The following CCDC141 variants were observed in gnomAD, a reference collection of about 807,000 sequenced individuals.
CCDC141 encodes coiled-coil domain-containing protein 141.
A neutral mutation model predicts 181.0 loss-of-function variants in CCDC141; 168 were observed. That is an observed-to-expected ratio of 0.93 (90% CI 0.82 to 1.05). CCDC141 has a LOEUF of 1.05. Among genes scored for constraint, CCDC141 ranks in the 50% least tolerant of loss-of-function variants. The pLI is 0.00. For synonymous variants in CCDC141, 666 were observed against 642.3 expected (o/e 1.04, Z -0.56); for missense variants, 1,902 against 1,788.5 (o/e 1.06, Z -1.14).
rs535110929 is a variant in CCDC141 at position 178,982,804 on chromosome 2, C to T, written c.226-4129G>A. On this transcript the variant is annotated intron_variant, in intron 2 of 23. Coordinates refer to ENST00000443758, the MANE Select transcript of CCDC141 (RefSeq NM_173648.4). ...ACGAGATTATATCCCGCACCTGGCTCGGAGGGTCCTACCCCACAGAGTCTC... is the reference window on the plus strand; with the variant it reads ...ACGAGATTATATCCCGCACCTGGCTTGGAGGGTCCTACCCCACAGAGTCTC... Among the ~76,000 whole-genome samples the T allele has an allele frequency of 7.4e-4, 112 of 152,326 alleles. 1 individual carries two copies. The South Asian group carries it at 0.021, about 29-fold the overall frequency.
At chr2:178,980,214 C>A (rs530687207) in intron 2 of CCDC141, among the ~76,000 whole-genome samples, 9 of 152,166 alleles carry the variant, frequency 5.9e-5, no homozygotes, top group African/African-American at 2.2e-4. Context: ...CGCTGGGAGA[C>A]CGAGGCGGGC....
At chr2:179,040,891 T>G (rs1331206602) in intron 2 of CCDC141, among the ~76,000 whole-genome samples, 1 of 152,204 alleles carries the variant, frequency 6.6e-6, no homozygotes. Flanking sequence ...TTCCTTTGGG[T>G]ATATACCTAG....
At chr2:178,960,309 A>G (rs774255983) in intron 5 of CCDC141, among the ~76,000 whole-genome samples, 8 of 152,230 alleles carry the variant, frequency 5.3e-5, no homozygotes, top group South Asian at 2.1e-4. Context: ...GTTGATCATC[A>G]TGGATAAGCT....
the CCDC141 span, among the ~76,000 whole-genome samples, chr2:178,822,279 G>A: frequency 1.3e-5 from 2 of 151,666 alleles, no homozygotes; most frequent in South Asian, 2.1e-4. Context: ...AGTGGGGAGG[G>A]ATAGCATTAG....
At chr2:178,970,666 C>G (rs1653161864) in intron 4 of CCDC141, among the ~76,000 whole-genome samples, 1 of 152,140 alleles carries the variant, frequency 6.6e-6, no homozygotes, top group African/African-American at 2.4e-5. Flanking sequence ...CCATAAAAAT[C>G]CTAGAAGAAA....
chr2:179,044,739 A>G (rs1406407458), intron 2 of CCDC141, among the ~76,000 whole-genome samples: 2 of 152,198 alleles, frequency 1.3e-5, no homozygotes, highest in Non-Finnish European at 2.9e-5. Context: ...AGCTGGGGTC[A>G]CAGGAGATCA....
At chr2:178,991,211 C>A (rs1198102865) in intron 2 of CCDC141, among the ~76,000 whole-genome samples, 1 of 152,138 alleles carries the variant, frequency 6.6e-6, no homozygotes, top group African/African-American at 2.4e-5. Context: ...TTTATAAAAC[C>A]TCTAACTTTC....
intron 6 of CCDC141, among the ~76,000 whole-genome samples, chr2:178,923,857 C>G (rs1296163876): frequency 6.6e-6 from 1 of 152,100 alleles, no homozygotes; most frequent in African/African-American, 2.4e-5. Context: ...TGAAAGGGTA[C>G]TTTTAAGAGG....
chr2:178,996,302 T>A (rs1260368261), intron 2 of CCDC141, among the ~76,000 whole-genome samples: 1 of 152,098 alleles, frequency 6.6e-6, no homozygotes, highest in Non-Finnish European at 1.5e-5. Context: ...GGTCTCAAAC[T>A]TCTGACCTCA....
intron 2 of CCDC141, among the ~76,000 whole-genome samples, chr2:178,989,133 C>T (rs187433438): frequency 1.5e-3 from 233 of 152,160 alleles, no homozygotes; most frequent in African/African-American, 5.3e-3. Context: ...TAAGCAACAA[C>T]AACAACAAAC....
intron 21 of CCDC141, 111 bp from the exon 22 acceptor site, chr2:178,845,853 T>C (rs1684917692): frequency 8.2e-6 from 6 of 729,694 alleles, no homozygotes; most frequent in South Asian, 7.6e-5. Flanking sequence ...TCAGCAAATA[T>C]ATTCCACAAG....
intron 6 of CCDC141, among the ~76,000 whole-genome samples, chr2:178,932,907 T>C (rs916826029): frequency 6.6e-6 from 1 of 152,168 alleles, no homozygotes; most frequent in Non-Finnish European, 1.5e-5. Context: ...CCTTATCCTA[T>C]ATTTATAAAT....
chr2:178,961,222 T>G lies in CCDC141; in HGVS notation c.780+8A>C. 1 of 1,549,796 alleles carries G rather than the reference T, an allele frequency of 6.5e-7. No individual in the cohort carries two copies. The highest frequency in any genetic ancestry group is 2.4e-5 in the East Asian group (1 of 40,906). On this transcript the variant is annotated splice_region_variant and intron_variant, in intron 5 of 23. Transcript: ENST00000443758. ...GCTGGAACATCATCCAATGCCCCTTTGGGTTACCTGGTTTTCTTGTTGGTC... is the reference window on the plus strand; with the variant it reads ...GCTGGAACATCATCCAATGCCCCTTGGGGTTACCTGGTTTTCTTGTTGGTC...
intron 2 of CCDC141, among the ~76,000 whole-genome samples, chr2:178,992,771 T>C (rs373389512): frequency 2.0e-4 from 31 of 152,280 alleles, no homozygotes; most frequent in African/African-American, 6.5e-4. Flanking sequence ...TTCCCACATG[T>C]CATGGGAGGG....
At chr2:179,030,952 A>T (rs560556087) in intron 2 of CCDC141, among the ~76,000 whole-genome samples, 1 of 152,078 alleles carries the variant, frequency 6.6e-6, no homozygotes, top group Non-Finnish European at 1.5e-5. Flanking sequence ...AAAAAAATGA[A>T]CTATTTTCAT....
downstream of CCDC141, among the ~76,000 whole-genome samples, chr2:178,828,921 A>C (rs1047916893): frequency 6.6e-6 from 1 of 152,200 alleles, no homozygotes; most frequent in Non-Finnish European, 1.5e-5. Context: ...TGAATCAATA[A>C]AGTTCTTGTA....
intron 2 of CCDC141, among the ~76,000 whole-genome samples, chr2:179,005,473 T>G (rs912688853): frequency 1.3e-5 from 2 of 152,176 alleles, no homozygotes; most frequent in Non-Finnish European, 2.9e-5. Context: ...GTGATTCATC[T>G]ATTAAAAAAC....
chr2:179,015,081 T>A (rs1356924613), intron 2 of CCDC141, among the ~76,000 whole-genome samples: 1 of 36,048 alleles, frequency 2.8e-5, no homozygotes, highest in Admixed American at 2.2e-4. Context: ...TATATATATA[T>A]ATATATATAT....
intron 5 of CCDC141, among the ~76,000 whole-genome samples, chr2:178,946,218 T>C (rs1026639760): frequency 7.2e-5 from 11 of 152,220 alleles, no homozygotes; most frequent in Non-Finnish European, 2.9e-5. Flanking sequence ...ATTGTGCTTA[T>C]GTATTTACAA....
Sources: gnomAD v4.1 joint callset for allele counts (sites outside exome capture counted in the v4.1 genomes callset) on GRCh38, gnomAD v4.1.1 for gene constraint, MANE v1.5 for transcripts, NCBI Gene and HGNC (gene_info 2026-07-23, HGNC 2026-07-21) for gene names.